Variants in SP4 observed in about 807,000 individuals in gnomAD.
The protein encoded by SP4 is Sp4 transcription factor.
SP4 carries 19 observed loss-of-function variants against 72.8 expected under a neutral mutation model. The observed-to-expected ratio is 0.26, with a 90% confidence interval of 0.18 to 0.38. The LOEUF (loss-of-function observed/expected upper bound fraction) is 0.38. SP4 is among the 10% of genes least tolerant of loss of function. SP4 has a pLI of 1.00. For synonymous variants in SP4, 395 were observed against 333.1 expected (o/e 1.19, Z -2.02); for missense variants, 1,008 against 926.3 (o/e 1.09, Z -1.14).
chr7:21,483,126 A>G (rs936611563), intron 5 of SP4, among the ~76,000 whole-genome samples: 4 of 152,018 alleles, frequency 2.6e-5, no homozygotes, highest in Admixed American at 6.6e-5. Flanking sequence ...AGGCCTTGAA[A>G]GTTTTTTTCA....
intron 5 of SP4, among the ~76,000 whole-genome samples, chr7:21,492,514 G>GA (rs199954829): frequency 3.3e-5 from 5 of 151,766 alleles, no homozygotes; most frequent in East Asian, 1.9e-4. Flanking sequence ...AAAAATCTGG[G>GA]AAAAAAATCC....
rs1337464990 is a variant in SP4, at chr7:21,513,548, T to C, written c.*2279T>C. 6.6e-6 allele frequency: 1 copy of C among 151,300 alleles called. No individual in the cohort carries two copies. The highest frequency in any genetic ancestry group is 2.5e-5 in the African/African-American group (1 of 40,410). 9.4% of individuals were successfully genotyped at this position (151,300 alleles called of 1,614,324 possible). A position where few individuals can be genotyped will look rare whatever the true frequency, so the allele number is the denominator to read the frequency against. Reference sequence around the variant, plus strand: ...AGGAGCTGAAACATCAAATATATATTTTATCTATCATTATGCTACACAATC... The same window carrying C: ...AGGAGCTGAAACATCAAATATATATCTTATCTATCATTATGCTACACAATC... On this transcript the variant is annotated 3_prime_UTR_variant, in exon 6 of 6. Transcript: ENST00000222584.
chr7:21,477,689 C>T (rs1221020124), intron 4 of SP4, among the ~76,000 whole-genome samples: 3 of 151,784 alleles, frequency 2.0e-5, no homozygotes, highest in Non-Finnish European at 4.4e-5. Flanking sequence ...TACAGGTGCC[C>T]GCCACCACAC....
At chr7:21,454,104 C>T (rs1783683522) in intron 3 of SP4, among the ~76,000 whole-genome samples, 1 of 152,130 alleles carries the variant, frequency 6.6e-6, no homozygotes, top group Non-Finnish European at 1.5e-5. Context: ...GGATGAAAAC[C>T]TGGTAAGTAA....
intron 3 of SP4, among the ~76,000 whole-genome samples, chr7:21,464,510 T>G (rs189620296): frequency 6.6e-6 from 1 of 152,084 alleles, no homozygotes; most frequent in African/African-American, 2.4e-5. Context: ...CATTTCAGAG[T>G]TTTCCTAAAA....
chr7:21,455,286 T>A (rs1169345450), intron 3 of SP4, among the ~76,000 whole-genome samples: 1 of 151,924 alleles, frequency 6.6e-6, no homozygotes, highest in Admixed American at 6.6e-5. Flanking sequence ...ACTGAAGGAG[T>A]AGGCTTTTGT....
chr7:21,499,100 CTG>C (rs1781800620), intron 5 of SP4, among the ~76,000 whole-genome samples: 2 of 136,554 alleles, frequency 1.5e-5, no homozygotes, highest in Non-Finnish European at 3.1e-5. Flanking sequence ...AAAAAAAAAA[CTG>C]TTAAGAAAAT....
chr7:21,430,024 G>C lies in SP4; in HGVS notation c.859G>C (p.Ala287Pro). The C allele has an allele frequency of 6.2e-7, 1 of 1,614,194 alleles. No homozygotes were observed. The highest frequency in any genetic ancestry group is 8.5e-7 in the Non-Finnish European group (1 of 1,180,026). The change falls in exon 3 of 6, where the codon GCT becomes CCT. Residue 287 changes from alanine (A) to proline (P), a missense_variant. Physicochemically the swap from Ala to Pro is conservative, Grantham distance 27 (BLOSUM62 -1). Around this residue, in one of 3 missense-constraint regions of SP4, gnomAD observed 893 missense variants for 743.3 expected, o/e 1.20. Transcript: ENST00000222584. ...AGGGACTGGGCAGGTTGGCCAGCCTGCTGCTACTGCTGATAGTGGGACTTC... is the reference window on the plus strand; with the variant it reads ...AGGGACTGGGCAGGTTGGCCAGCCTCCTGCTACTGCTGATAGTGGGACTTC... ...GGGTGQVGQP[A>P]ATADSGTSNG...
At chr7:21,501,432 C>G (rs1377362368) in intron 5 of SP4, among the ~76,000 whole-genome samples, 1 of 152,150 alleles carries the variant, frequency 6.6e-6, no homozygotes, top group Non-Finnish European at 1.5e-5. Flanking sequence ...TTTACTTTCT[C>G]CATAGGAGAT....
At chr7:21,464,741 T>C (rs75821151) in intron 3 of SP4, among the ~76,000 whole-genome samples, 2 of 152,110 alleles carry the variant, frequency 1.3e-5, no homozygotes, top group Non-Finnish European at 2.9e-5. Context: ...AGGCTTCCAA[T>C]TGCAGACTTT....
intron 5 of SP4, among the ~76,000 whole-genome samples, chr7:21,484,784 A>C (rs1031069777): frequency 1.3e-5 from 2 of 151,906 alleles, no homozygotes; most frequent in Non-Finnish European, 3.0e-5. Flanking sequence ...CATTTTGTCT[A>C]AGAAATGATG....
intron 3 of SP4, among the ~76,000 whole-genome samples, chr7:21,447,230 A>G (rs1783455304): frequency 6.6e-6 from 1 of 152,198 alleles, no homozygotes; most frequent in African/African-American, 2.4e-5. Context: ...TAACCCTGTA[A>G]TATAGAGCTC....
At chr7:21,472,791 AAAAG>A (rs1008918476) in intron 3 of SP4, among the ~76,000 whole-genome samples, 1 of 152,034 alleles carries the variant, frequency 6.6e-6, no homozygotes, top group African/African-American at 2.4e-5. Flanking sequence ...AAAGAAAAAA[AAAAG>A]CAACCAAACA....
chr7:21,441,070 G>A (rs572600154), intron 3 of SP4, among the ~76,000 whole-genome samples: 32 of 152,282 alleles, frequency 2.1e-4, no homozygotes, highest in Middle Eastern at 6.8e-3. Flanking sequence ...GAGTTTATAC[G>A]TAAGTACTGG....
chr7:21,451,543 G>A (rs140708964), intron 3 of SP4, among the ~76,000 whole-genome samples: 1 of 152,198 alleles, frequency 6.6e-6, no homozygotes, highest in African/African-American at 2.4e-5. Flanking sequence ...TGTTCTGTAG[G>A]TCTTGGCCTC....
At chr7:21,447,933 T>C (rs1783478166) in intron 3 of SP4, among the ~76,000 whole-genome samples, 1 of 152,130 alleles carries the variant, frequency 6.6e-6, no homozygotes, top group Non-Finnish European at 1.5e-5. Flanking sequence ...ATCCTCTCGC[T>C]TCGGCCTCCC....
intron 3 of SP4, among the ~76,000 whole-genome samples, chr7:21,458,127 C>T (rs375981242): frequency 5.9e-5 from 9 of 151,850 alleles, no homozygotes; most frequent in Non-Finnish European, 7.4e-5. Flanking sequence ...TGTCTGACCA[C>T]GTCTTTAAAT....
chr7:21,484,579 T>G (rs1440707771), intron 5 of SP4, among the ~76,000 whole-genome samples: 1 of 151,924 alleles, frequency 6.6e-6, no homozygotes, highest in Non-Finnish European at 1.5e-5. Flanking sequence ...TATACACCAT[T>G]GACGTTGGCA....
In SP4 at chr7:21,437,235, G is replaced by A. The variant is rs371339726; in HGVS notation, c.1678+6392G>A. ...GAATTATTGAGTAGTTGGCTCTTGA[G>A]CATTTTAAAAAAGAACCGAGGAATC... On this transcript the variant is annotated intron_variant, in intron 3 of 5. Transcript: ENST00000222584. 2.5e-3 allele frequency among the ~76,000 whole-genome samples: 386 copies of A among 152,272 alleles called. 17 individuals carry two copies. The South Asian group carries it at 0.075, about 30-fold the overall frequency.
Sources: gnomAD v4.1 joint callset for allele counts (sites outside exome capture counted in the v4.1 genomes callset) on GRCh38, gnomAD v4.1.1 for gene constraint, gnomAD v4.1.1 regional missense constraint, MANE v1.5 for transcripts, NCBI Gene and HGNC (gene_info 2026-07-23, HGNC 2026-07-21) for gene names.